Variants in DLGAP2 observed in about 807,000 individuals in gnomAD.
The protein encoded by DLGAP2 is DLG associated protein 2.
In DLGAP2, 26 loss-of-function variants were observed where a neutral mutation model predicts 100.3. The observed-to-expected ratio is 0.26, with a 90% CI of 0.19 to 0.36. The LOEUF (loss-of-function observed/expected upper bound fraction) is 0.36, where lower values mean the gene tolerates loss of function less well. DLGAP2 is among the 10% of genes least tolerant of loss of function. The pLI is 1.00. For synonymous variants in DLGAP2, 886 were observed against 630.1 expected (o/e 1.41, Z -6.08); for missense variants, 1,858 against 1,453.2 (o/e 1.28, Z -4.53).
chr8:1,316,516 C>G (rs199890539), intron 3 of DLGAP2, among the ~76,000 whole-genome samples: 6,736 of 114,252 alleles, frequency 0.059, 292 homozygotes, highest in East Asian at 0.1. Context: ...GTGGTCTACA[C>G]TCGAGACACT....
intron 3 of DLGAP2, among the ~76,000 whole-genome samples, chr8:1,468,768 A>G (rs191010556): frequency 3.7e-4 from 56 of 151,446 alleles, no homozygotes; most frequent in African/African-American, 1.3e-3. Flanking sequence ...GCATGGGCAG[A>G]GCTGCACTCC....
At chr8:913,845 G>C (rs1358556543) in intron 2 of DLGAP2, among the ~76,000 whole-genome samples, 1 of 152,258 alleles carries the variant, frequency 6.6e-6, no homozygotes, top group African/African-American at 2.4e-5. Context: ...AGGCAGAACA[G>C]CACGGTGTGG....
intron 8 of DLGAP2, among the ~76,000 whole-genome samples, chr8:1,647,018 G>T (rs1673704369): frequency 6.6e-6 from 1 of 152,212 alleles, no homozygotes; most frequent in Admixed American, 6.5e-5. Flanking sequence ...AGCAGACACA[G>T]GGCTCAGGCT....
intron 2 of DLGAP2, among the ~76,000 whole-genome samples, chr8:1,235,178 G>GA (rs1798621008): frequency 8.8e-5 from 13 of 146,900 alleles, no homozygotes; most frequent in Admixed American, 8.7e-4. Context: ...ACATGGCGCC[G>GA]TGTCTGCTTC....
At chr8:1,046,663 C>G (rs1802524591) in intron 2 of DLGAP2, among the ~76,000 whole-genome samples, 1 of 152,196 alleles carries the variant, frequency 6.6e-6, no homozygotes, top group African/African-American at 2.4e-5. Flanking sequence ...TGAATTGACT[C>G]TCTCCTTAGC....
chr8:1,686,700 G>T (rs1034076271), intron 12 of DLGAP2, among the ~76,000 whole-genome samples: 2 of 152,022 alleles, frequency 1.3e-5, no homozygotes, highest in Non-Finnish European at 2.9e-5. Flanking sequence ...GCTCATGAAG[G>T]TGGAGAGTAG....
At chr8:1,095,351 C>T (rs541483454) in intron 2 of DLGAP2, among the ~76,000 whole-genome samples, 125 of 152,334 alleles carry the variant, frequency 8.2e-4, no homozygotes, top group African/African-American at 2.6e-3. Flanking sequence ...ACCCTGGACA[C>T]GAGGCTGGTC....
At chr8:1,167,905 A>G (rs561437214) in intron 2 of DLGAP2, among the ~76,000 whole-genome samples, 2 of 152,000 alleles carry the variant, frequency 1.3e-5, no homozygotes, top group South Asian at 4.2e-4. Flanking sequence ...TTATACTTTA[A>G]GTTTTAGGGT....
intron 3 of DLGAP2, chr8:1,297,309 G>A (rs1175028262): frequency 6.6e-6 from 1 of 152,274 alleles, no homozygotes; most frequent in East Asian, 1.9e-4. Flanking sequence ...CTCCCCTGCT[G>A]TTTAGGATGA....
intron 3 of DLGAP2, among the ~76,000 whole-genome samples, chr8:1,419,205 CGTGTGTGTGTGT>C (rs59073892): frequency 2.7e-5 from 2 of 73,810 alleles, no homozygotes; most frequent in South Asian, 4.8e-4. Context: ...CTGATGCGTG[CGTGTGTGTGTGT>C]GTGTGTGTGT....
rs369284313 is a variant in DLGAP2 at position 960,252 on chromosome 8, T to TTTTTTTTTTTTTTTTTTTC, written c.73+52286_73+52287insTTTTTTTTTTTTTTTTTTC. The stretch of plus-strand genomic sequence containing the variant: ...TGAAGTATATCTTTTTTTTTTTTTT[T>TTTTTTTTTTTTTTTTTTTC]CCCGAGACACTCTCACGCTGTCGTC... On this transcript the variant is annotated intron_variant, in intron 2 of 14. Transcript: ENST00000637795. Among the ~76,000 whole-genome samples the TTTTTTTTTTTTTTTTTTTC allele has an allele frequency of 2.3e-4, 33 of 142,014 alleles. 3 individuals are homozygous for TTTTTTTTTTTTTTTTTTTC. Among genetic ancestry groups the TTTTTTTTTTTTTTTTTTTC allele is most frequent in the African/African-American group, 8.6e-4 (31 of 36,182 alleles). The allele number at this position is 142,014 out of a possible 152,430, so 93.2% of individuals were successfully genotyped here.
intron 1 of DLGAP2, among the ~76,000 whole-genome samples, chr8:818,822 T>C (rs1244551444): frequency 2.0e-5 from 3 of 152,162 alleles, no homozygotes; most frequent in Non-Finnish European, 2.9e-5. Context: ...CTGTAGAAAT[T>C]TTTGCTGAGA....
rs1039569532 is a variant in DLGAP2 at position 1,524,148 on chromosome 8, C to A, written c.172+22717C>A. 2.0e-5 allele frequency among the ~76,000 whole-genome samples: 3 copies of A among 152,124 alleles called. No individual in the cohort carries two copies. In the South Asian group the frequency reaches 6.2e-4, roughly 32 times the overall value. On this transcript the variant is annotated intron_variant, in intron 4 of 14. Coordinates refer to ENST00000637795, the MANE Select transcript of DLGAP2 (RefSeq NM_001346810.2). ...GCTGGCCTTGTCTTTCAAGCAGAGA[C>A]CAGAGTGGGCTTTTAAAGGGGAACA...
intron 3 of DLGAP2, among the ~76,000 whole-genome samples, chr8:1,341,282 CT>C (rs1241268646): frequency 6.6e-6 from 1 of 152,170 alleles, no homozygotes; most frequent in East Asian, 1.9e-4. Context: ...AAATATTCTC[CT>C]TTTGTTTGAA....
chr8:1,068,106 C>T (rs962794707), intron 2 of DLGAP2, among the ~76,000 whole-genome samples: 3 of 152,176 alleles, frequency 2.0e-5, no homozygotes, highest in Non-Finnish European at 4.4e-5. Context: ...TGTGCATTTA[C>T]GGTGCCTTCG....
intron 10 of DLGAP2, among the ~76,000 whole-genome samples, chr8:1,672,006 GT>G (rs955736953): frequency 6.6e-6 from 1 of 152,130 alleles, no homozygotes; most frequent in African/African-American, 2.4e-5. Context: ...ATTCACTTTC[GT>G]TTTTATCCTT....
intron 1 of DLGAP2, among the ~76,000 whole-genome samples, chr8:803,484 A>G (rs747412334): frequency 7.9e-5 from 12 of 152,146 alleles, no homozygotes; most frequent in Non-Finnish European, 1.8e-4. Context: ...GCTCCTGTCC[A>G]TGGGGAAATG....
At chr8:784,914 A>C (rs1821795842) in intron 1 of DLGAP2, among the ~76,000 whole-genome samples, 1 of 152,310 alleles carries the variant, frequency 6.6e-6, no homozygotes, top group African/African-American at 2.4e-5. Context: ...CACTAAAAAA[A>C]GGGCACGTCC....
At chr8:1,416,232 C>T (rs1024148215) in intron 3 of DLGAP2, among the ~76,000 whole-genome samples, 1 of 152,094 alleles carries the variant, frequency 6.6e-6, no homozygotes, top group East Asian at 1.9e-4. Flanking sequence ...CCAGATGATT[C>T]CAGCGTCCAT....
Sources: gnomAD v4.1 joint callset for allele counts (sites outside exome capture counted in the v4.1 genomes callset) on GRCh38, gnomAD v4.1.1 for gene constraint, MANE v1.5 for transcripts, NCBI Gene and HGNC (gene_info 2026-07-23, HGNC 2026-07-21) for gene names.